SLC17A8: variants seen among roughly 807,000 people sequenced by gnomAD.
SLC17A8 encodes the protein vesicular glutamate transporter 3.
SLC17A8 carries 31 observed loss-of-function variants against 58.0 expected under a neutral mutation model. The ratio of observed to expected loss-of-function variants is 0.53; its 90% confidence interval spans 0.40 to 0.72. The LOEUF is 0.72. Ranked by LOEUF, SLC17A8 falls within the 30% of genes least tolerant of loss-of-function variation. The pLI, the probability that SLC17A8 is intolerant of heterozygous loss-of-function variation, is 0.00. For synonymous variants in SLC17A8, 228 were observed against 249.0 expected, an observed-to-expected ratio of 0.92 and a Z score of 0.79; for missense variants, 655 against 727.8, an observed-to-expected ratio of 0.90 and a Z score of 1.15.
In SLC17A8 at chr12:100,402,422, G is replaced by A. The variant is rs1036470599; in HGVS notation, c.846G>A (p.Glu282=). The change falls in exon 7 of 12, where the codon GAG becomes GAA. Residue 282 remains glutamate, a synonymous_variant. Coordinates refer to ENST00000323346, the MANE Select transcript of SLC17A8 (RefSeq NM_139319.3). The stretch of plus-strand genomic sequence containing the variant: ...CAGCTCATCCAACAATATCCAATGA[G>A]GAGAAGACCTATATAGAGACAAGCA... ...CPAAHPTISN[E]EKTYIETSIG... is the part of the protein sequence containing the mutation. 3 of 1,613,940 alleles carry A rather than the reference G, an allele frequency of 1.9e-6. No individual in the cohort carries two copies. The highest frequency in any genetic ancestry group is 1.3e-5 in the African/African-American group (1 of 74,908).
Position 100,391,087 on chromosome 12 carries a change from T to C in SLC17A8, c.441T>C (p.Gly147=). 1.2e-6 allele frequency: 2 copies of C among 1,613,636 alleles called. No individual in the cohort carries two copies. The highest frequency in any genetic ancestry group is 2.2e-5 in the East Asian group (1 of 44,842). Residue 147 remains glycine, a synonymous_variant, in exon 3 of 12, where the codon GGT becomes GGC. Transcript: ENST00000323346. ...GCTATATTATGACACAAATTCCAGG[T>C]GGTTTCATTTCAAACAAGTTTGCTG... ...FWGYIMTQIP[G]GFISNKFAAN...
chr12:100,382,826 A>C (rs547497009), intron 2 of SLC17A8, among the ~76,000 whole-genome samples: 1 of 152,320 alleles, frequency 6.6e-6, no homozygotes, highest in East Asian at 1.9e-4. Context: ...CACTGGTTTG[A>C]GAAAATTTGA....
intron 7 of SLC17A8, 24 bp downstream of exon 7, chr12:100,402,503 G>T (rs751707588): frequency 2.2e-5 from 36 of 1,613,640 alleles, no homozygotes; most frequent in Non-Finnish European, 2.9e-5. Flanking sequence ...GTCAGATGAA[G>T]ACTTACCTTT....
At position 100,371,891 on chromosome 12, in the gene SLC17A8, G is replaced by A. The variant is rs576393425; in HGVS notation, c.102-8810G>A. On this transcript the variant is annotated intron_variant, in intron 1 of 11. Transcript: ENST00000323346. ...TTCTGAGTGTCTCAGTCTTCTGAGC[G>A]TCTCAGTCTTCTGAGCAGTAAGATG... Among the ~76,000 whole-genome samples the A allele has an allele frequency of 1.1e-4, 16 of 152,190 alleles. No homozygotes were observed. In the East Asian group the frequency reaches 1.4e-3, roughly 13 times the overall value.
At chr12:100,405,699 T>A (rs183519470) in intron 9 of SLC17A8, among the ~76,000 whole-genome samples, 2 of 152,308 alleles carry the variant, frequency 1.3e-5, no homozygotes, top group East Asian at 3.9e-4. Context: ...CCTCCAGAAC[T>A]GTACAATAGT....
At position 100,419,919 on chromosome 12, in the gene SLC17A8, T is replaced by G. The variant is rs1311284439; in HGVS notation, c.1530T>G (p.Ala510=). Residue 510 remains alanine (A), a synonymous_variant, in exon 12 of 12, where the codon GCT becomes GCG. Coordinates refer to ENST00000323346, the MANE Select transcript of SLC17A8 (RefSeq NM_139319.3). The part of the protein sequence containing the change: ...VFASGEKQEW[A]DPENLSEEKC... ...CTTCTGGGGAGAAACAGGAGTGGGC[T>G]GACCCAGAGAATCTCTCTGAGGAGA... 2 of 1,614,130 alleles carry G rather than the reference T, an allele frequency of 1.2e-6. No individual in the cohort carries two copies. Among genetic ancestry groups the G allele is most frequent in the Non-Finnish European group, 1.7e-6 (2 of 1,180,036 alleles).
chr12:100,413,144 C>G (rs550909519), intron 10 of SLC17A8, among the ~76,000 whole-genome samples: 1 of 152,118 alleles, frequency 6.6e-6, no homozygotes, highest in Non-Finnish European at 1.5e-5. Flanking sequence ...TTCTGAGACA[C>G]GAGCAGAGGC....
Position 100,402,321 on chromosome 12 carries a change from T to C in SLC17A8, c.764-19T>C. On this transcript the variant is annotated intron_variant, in intron 6 of 11. Transcript: ENST00000323346. ...GAAAATGAGACCATATAACCCAGCCTTTTCTTTTTTAACTGCAGGCATGTT... is the reference window on the plus strand; with the variant it reads ...GAAAATGAGACCATATAACCCAGCCCTTTCTTTTTTAACTGCAGGCATGTT... 6.2e-7 allele frequency: 1 copy of C among 1,613,984 alleles called. No homozygotes were observed. Among genetic ancestry groups the C allele is most frequent in the Non-Finnish European group, 8.5e-7 (1 of 1,180,000 alleles).
intron 11 of SLC17A8, 117 bp from the exon 12 acceptor site, chr12:100,419,698 T>C: frequency 1.0e-6 from 1 of 986,104 alleles, no homozygotes; most frequent in Non-Finnish European, 1.6e-6. Context: ...CCAAGGAGCC[T>C]CTAGAGCATC....
chr12:100,371,530 G>A (rs1952558815), intron 1 of SLC17A8, among the ~76,000 whole-genome samples: 1 of 152,070 alleles, frequency 6.6e-6, no homozygotes, highest in Non-Finnish European at 1.5e-5. Context: ...ATGATCCTTG[G>A]GCAAGTTTTT....
chr12:100,357,561 G>A, intron 1 of SLC17A8, 69 bp downstream of exon 1: 1 of 1,069,354 alleles, frequency 9.4e-7, no homozygotes. Context: ...GAGAGACTTG[G>A]TATCACGTTT....
chr12:100,371,567 G>C (rs956081059), intron 1 of SLC17A8, among the ~76,000 whole-genome samples: 6 of 152,028 alleles, frequency 3.9e-5, no homozygotes, highest in Admixed American at 6.6e-5. Flanking sequence ...CTTTTCTTTT[G>C]TTTTGTTTTT....
At chr12:100,393,658 C>G (rs1356732359) in intron 4 of SLC17A8, among the ~76,000 whole-genome samples, 175 bp downstream of exon 4, 1 of 151,996 alleles carries the variant, frequency 6.6e-6, no homozygotes, top group African/African-American at 2.4e-5. Flanking sequence ...AATTAAAATG[C>G]CTTGTGTGAT....
chr12:100,385,315 C>A (rs1048429369), intron 2 of SLC17A8, among the ~76,000 whole-genome samples: 6 of 144,526 alleles, frequency 4.2e-5, no homozygotes, highest in Non-Finnish European at 7.4e-5. Context: ...CAGCTCACTG[C>A]GACCTCCACC....
intron 11 of SLC17A8, among the ~76,000 whole-genome samples, chr12:100,419,477 G>A (rs1250522716): frequency 2.6e-5 from 4 of 151,034 alleles, no homozygotes; most frequent in African/African-American, 9.7e-5. Flanking sequence ...AGCTTGCAGT[G>A]AGCCGAGATC....
At chr12:100,419,753 G>A in intron 11 of SLC17A8, 62 bp from the exon 12 acceptor site, 1 of 1,538,170 alleles carries the variant, frequency 6.5e-7, no homozygotes, top group Admixed American at 1.7e-5. Flanking sequence ...AGGCCTCCAG[G>A]ACATACTGGT....
rs563110287 is a variant in SLC17A8 at position 100,401,407 on chromosome 12, C to A, written c.677-370C>A. Among the ~76,000 whole-genome samples, 11 of 152,058 alleles carry A rather than the reference C, an allele frequency of 7.2e-5. No homozygotes were observed. The East Asian group carries it at 1.2e-3, about 16-fold the overall frequency. On this transcript the variant is annotated intron_variant, in intron 5 of 11. Transcript: ENST00000323346. ...TGAGAATCCTCCCAGTCCTCCTAAG[C>A]AAATTTTGTATGTTCCTTTGCTTGC...
intron 11 of SLC17A8, among the ~76,000 whole-genome samples, chr12:100,418,611 T>C (rs1051170689): frequency 2.6e-5 from 4 of 152,242 alleles, no homozygotes; most frequent in Non-Finnish European, 5.9e-5. Flanking sequence ...ATTGATAACC[T>C]ACCCAGTTGT....
At chr12:100,385,133 TGA>T (rs1183439571) in intron 2 of SLC17A8, among the ~76,000 whole-genome samples, 72 of 149,270 alleles carry the variant, frequency 4.8e-4, no homozygotes, top group Middle Eastern at 3.4e-3. Context: ...TGTGTGTGTG[TGA>T]GAGAGAGAGA....
Sources: allele counts gnomAD v4.1 joint callset (sites outside exome capture counted in the v4.1 genomes callset), GRCh38; gene constraint gnomAD v4.1.1; transcripts MANE v1.5; gene names NCBI Gene and HGNC (gene_info 2026-07-23, HGNC 2026-07-21).